Variants in PALM2AKAP2 observed in about 807,000 individuals in gnomAD.
PALM2AKAP2 encodes the protein PALM2 and AKAP2 fusion.
PALM2AKAP2 carries 37 observed loss-of-function variants against 71.5 expected under a neutral mutation model. The ratio of observed to expected loss-of-function variants is 0.52; its 90% CI spans 0.40 to 0.68. The LOEUF (loss-of-function observed/expected upper bound fraction) is 0.68. PALM2AKAP2 is among the 30% of genes least tolerant of loss of function. The pLI, the probability that PALM2AKAP2 is intolerant of heterozygous loss-of-function variation, is 0.00. For synonymous variants in PALM2AKAP2, 468 were observed against 478.8 expected (o/e 0.98, Z 0.29); for missense variants, 1,224 against 1,191.8 (o/e 1.03, Z -0.40).
chr9:109,741,447 C>T (rs760987896), intron 1 of PALM2AKAP2, among the ~76,000 whole-genome samples: 18 of 152,126 alleles, frequency 1.2e-4, no homozygotes, highest in Admixed American at 1.3e-4. Flanking sequence ...TGTGCATATA[C>T]GTTTGCATTT....
chr9:109,774,271 C>G (rs1215978011), intron 1 of PALM2AKAP2, among the ~76,000 whole-genome samples: 1 of 152,158 alleles, frequency 6.6e-6, no homozygotes, highest in Admixed American at 6.5e-5. Flanking sequence ...CATCAGATAA[C>G]CAGGCTGGAG....
chr9:110,156,550 G>A (rs940288476), intron 3 of PALM2AKAP2, 53 bp downstream of exon 9: 1 of 1,516,164 alleles, frequency 6.6e-7, no homozygotes. Flanking sequence ...CCATCGGTGT[G>A]GCGTGTGGCA....
chr9:109,914,534 C>T (rs1269091308), intron 3 of PALM2AKAP2, among the ~76,000 whole-genome samples: 2 of 152,230 alleles, frequency 1.3e-5, no homozygotes, highest in Admixed American at 6.5e-5. Flanking sequence ...CAGCTTTCCT[C>T]TCCTCTGAGC....
At chr9:109,915,061 T>C (rs188811382) in intron 3 of PALM2AKAP2, among the ~76,000 whole-genome samples, 289 of 152,302 alleles carry the variant, frequency 1.9e-3, no homozygotes, top group Middle Eastern at 6.8e-3. Flanking sequence ...GAAAATAAGT[T>C]TTGTTTGCCC....
At chr9:109,841,098 C>G (rs1184796993) in intron 1 of PALM2AKAP2, among the ~76,000 whole-genome samples, 1 of 152,146 alleles carries the variant, frequency 6.6e-6, no homozygotes, top group African/African-American at 2.4e-5. Context: ...TTCACAATAG[C>G]AAAGACTTGG....
chr9:109,863,460 A>G (rs561657734), intron 1 of PALM2AKAP2, among the ~76,000 whole-genome samples: 2 of 152,184 alleles, frequency 1.3e-5, no homozygotes, highest in African/African-American at 4.8e-5. Flanking sequence ...TGGTGACTGC[A>G]TGTGTTTGAG....
intron 1 of PALM2AKAP2, among the ~76,000 whole-genome samples, chr9:109,691,928 A>C (rs1338568557): frequency 1.7e-5 from 2 of 115,862 alleles, no homozygotes; most frequent in South Asian, 2.9e-4. Context: ...ATATATACAC[A>C]TATATATATA....
rs138483856 is a variant in PALM2AKAP2, at chr9:109,967,472, C to T, written c.496+35444C>T. ...TTGCCCAGGCTAGAGTGCAGTGGCA[C>T]GATCTTGGCTCACTGCAACCTCCAC... On this transcript the variant is annotated intron_variant, in intron 6 of 9. Transcript: ENST00000302798. 5.7e-3 allele frequency among the ~76,000 whole-genome samples: 857 copies of T among 151,410 alleles called. 1 individual carries two copies. Among genetic ancestry groups the T allele is most frequent in the Non-Finnish European group, 9.7e-3 (658 of 67,916 alleles).
chr9:110,048,544 G>T, upstream of PALM2AKAP2: 2 of 684,838 alleles, frequency 2.9e-6, no homozygotes, highest in South Asian at 4.0e-5. Context: ...AGAGGAGAAG[G>T]TGTGGGTAGA....
chr9:109,874,864 G>GTTACA (rs1204540539), intron 2 of PALM2AKAP2, among the ~76,000 whole-genome samples: 1 of 152,092 alleles, frequency 6.6e-6, no homozygotes, highest in Non-Finnish European at 1.5e-5. Context: ...AAGTCACACT[G>GTTACA]ATTCTACCTC....
intron 1 of PALM2AKAP2, chr9:109,862,894 G>A: frequency 1.9e-6 from 1 of 514,214 alleles, no homozygotes; most frequent in African/African-American, 1.9e-5. Context: ...GAACCAGCCG[G>A]GAAGATCAGG....
chr9:109,806,439 C>T (rs182855854), intron 1 of PALM2AKAP2, among the ~76,000 whole-genome samples: 20 of 152,344 alleles, frequency 1.3e-4, no homozygotes, highest in Non-Finnish European at 2.8e-4. Flanking sequence ...AAGACAGTCT[C>T]TGCCCTCACG....
intron 3 of PALM2AKAP2, among the ~76,000 whole-genome samples, chr9:109,894,807 G>A (rs570748861): frequency 3.6e-4 from 55 of 152,020 alleles, no homozygotes; most frequent in Non-Finnish European, 7.1e-4. Flanking sequence ...AGAGAGACAC[G>A]GCCTCGCTCT....
intron 1 of PALM2AKAP2, among the ~76,000 whole-genome samples, chr9:109,863,704 A>G (rs1296173007): frequency 1.3e-5 from 2 of 152,052 alleles, no homozygotes; most frequent in Non-Finnish European, 2.9e-5. Flanking sequence ...ATGGTGTCCT[A>G]TGCAAACTTG....
chr9:109,844,956 T>TGTGC (rs1413437586), intron 1 of PALM2AKAP2, among the ~76,000 whole-genome samples: 3 of 148,956 alleles, frequency 2.0e-5, no homozygotes, highest in Non-Finnish European at 4.4e-5. Context: ...TGTGTGTGTG[T>TGTGC]GTGCATGTGC....
intron 1 of PALM2AKAP2, chr9:109,765,578 A>G (rs1382930518): frequency 6.5e-6 from 1 of 153,290 alleles, no homozygotes; most frequent in Non-Finnish European, 1.5e-5. Flanking sequence ...ATTTACAAAT[A>G]GATCCTGATA....
intron 3 of PALM2AKAP2, among the ~76,000 whole-genome samples, chr9:109,917,696 G>A (rs972037700): frequency 3.3e-5 from 5 of 151,890 alleles, no homozygotes; most frequent in East Asian, 1.9e-4. Context: ...GTCTTGCCAC[G>A]TTGCTCAGGC....
chr9:109,935,989 C>T (rs1432041825), intron 6 of PALM2AKAP2, among the ~76,000 whole-genome samples: 1 of 152,242 alleles, frequency 6.6e-6, no homozygotes, highest in Non-Finnish European at 1.5e-5. Flanking sequence ...TATCCATCAA[C>T]ATCACACCCT....
chr9:110,023,782 A>T (rs1044189457), intron 7 of PALM2AKAP2, among the ~76,000 whole-genome samples: 1 of 151,878 alleles, frequency 6.6e-6, no homozygotes, highest in Non-Finnish European at 1.5e-5. Flanking sequence ...GCTTGAGACC[A>T]GGAGTTCGAG....
Sources: allele counts gnomAD v4.1 joint callset (sites outside exome capture counted in the v4.1 genomes callset), GRCh38; gene constraint gnomAD v4.1.1; transcripts MANE v1.5; gene names NCBI Gene and HGNC (gene_info 2026-07-23, HGNC 2026-07-21).